The following SLCO6A1 variants were observed in gnomAD, a reference collection of about 807,000 sequenced individuals.
SLCO6A1 encodes cancer/testis antigen 48.
Under a neutral mutation model 72.7 loss-of-function variants are expected in SLCO6A1, and 65 were observed. That is an observed-to-expected ratio of 0.89 (90% CI 0.73 to 1.10). The LOEUF (loss-of-function observed/expected upper bound fraction) is 1.10, where lower values mean the gene tolerates loss of function less well. SLCO6A1 is among the 50% of genes least tolerant of loss of function. SLCO6A1 has a pLI of 0.00. For synonymous variants in SLCO6A1, 314 were observed against 298.2 expected (o/e 1.05, Z -0.55); for missense variants, 874 against 872.6 (o/e 1.00, Z -0.02).
chr5:102,416,003 G>A (rs1377803586), intron 8 of SLCO6A1, among the ~76,000 whole-genome samples: 2 of 152,030 alleles, frequency 1.3e-5, no homozygotes, highest in Non-Finnish European at 2.9e-5. Flanking sequence ...AAACCATAAC[G>A]AAGTATGATG....
At position 102,380,853 on chromosome 5, in the gene SLCO6A1, C is replaced by T. The variant is rs576027498; in HGVS notation, c.2018-7359G>A. On this transcript the variant is annotated intron_variant, in intron 12 of 13. Coordinates refer to ENST00000506729, the MANE Select transcript of SLCO6A1 (RefSeq NM_173488.5). ...CCTCTAACGTATTAAGAGCTATCTTCAGCAGTTTACTATGGTTGAAATCAC... is the reference window on the plus strand; with the variant it reads ...CCTCTAACGTATTAAGAGCTATCTTTAGCAGTTTACTATGGTTGAAATCAC... Among the ~76,000 whole-genome samples the T allele has an allele frequency of 2.6e-5, 4 of 152,074 alleles. No individual in the cohort carries two copies. In the East Asian group the frequency reaches 7.7e-4, roughly 29 times the overall value.
chr5:102,414,756 G>A (rs560700494), intron 8 of SLCO6A1, among the ~76,000 whole-genome samples: 28 of 151,960 alleles, frequency 1.8e-4, no homozygotes, highest in African/African-American at 5.8e-4. Flanking sequence ...ATAGCCAGGC[G>A]TAGTGGCATG....
chr5:102,496,877 G>A lies in SLCO6A1; in HGVS notation c.358+1610C>T, dbSNP rs896028019. Among the ~76,000 whole-genome samples, 3 of 152,112 alleles carry A rather than the reference G, an allele frequency of 2.0e-5. No homozygotes were observed. The South Asian group carries it at 6.2e-4, about 32-fold the overall frequency. On this transcript the variant is annotated intron_variant, in intron 1 of 13. Transcript: ENST00000506729. ...AAAACAAAACACGATTCATTAACTC[G>A]CTTCCCTATTCAACAAATACTCTTT...
At chr5:102,461,499 T>C (rs1302509517) in intron 4 of SLCO6A1, among the ~76,000 whole-genome samples, 3 of 152,106 alleles carry the variant, frequency 2.0e-5, no homozygotes, top group Admixed American at 2.0e-4. Context: ...GGTACTTCTC[T>C]TACCAAATAG....
chr5:102,434,814 AT>A (rs894621443), intron 7 of SLCO6A1, among the ~76,000 whole-genome samples: 17 of 151,372 alleles, frequency 1.1e-4, no homozygotes, highest in South Asian at 4.2e-4. Context: ...AACTATTACT[AT>A]TTTTTTTTCT....
intron 8 of SLCO6A1, 37 bp from the exon 9 acceptor site, chr5:102,413,180 T>C: frequency 6.7e-7 from 1 of 1,502,960 alleles, no homozygotes; most frequent in Non-Finnish European, 8.8e-7. Flanking sequence ...ATATTACCAT[T>C]GTTTTATAAT....
At chr5:102,477,471 AG>A (rs1323672355) in intron 3 of SLCO6A1, among the ~76,000 whole-genome samples, 3 of 152,114 alleles carry the variant, frequency 2.0e-5, no homozygotes, top group African/African-American at 7.2e-5. Flanking sequence ...AGTGACATTC[AG>A]GTGACTTGTC....
chr5:102,396,223 G>A (rs571584497), intron 10 of SLCO6A1, among the ~76,000 whole-genome samples: 1 of 151,888 alleles, frequency 6.6e-6, no homozygotes, highest in African/African-American at 2.4e-5. Context: ...TTTGTATAAG[G>A]TGTAAGGAAG....
intron 11 of SLCO6A1, among the ~76,000 whole-genome samples, 188 bp from the exon 12 acceptor site, chr5:102,389,013 C>G (rs1448990730): frequency 6.6e-6 from 1 of 152,116 alleles, no homozygotes; most frequent in Non-Finnish European, 1.5e-5. Flanking sequence ...CAAAAACAAT[C>G]CATATCCCTC....
Position 102,420,047 on chromosome 5 carries a change from A to T in SLCO6A1, c.1277-26T>A, listed in dbSNP as rs112183110. The T allele has an allele frequency of 3.3e-6, 5 of 1,533,346 alleles. No individual in the cohort carries two copies. The African/African-American group carries it at 5.6e-5, about 17-fold the overall frequency. 95.0% of individuals were successfully genotyped at this position (1,533,346 alleles called of 1,614,324 possible). A position where few individuals can be genotyped will look rare whatever the true frequency, so the allele number is the denominator to read the frequency against. The stretch of plus-strand genomic sequence containing the variant: ...CTAAAAAAAAGGAGGAGAAAAACAC[A>T]GTTAAAAATAATCAGCTGATAGTAC... On this transcript the variant is annotated intron_variant, in intron 7 of 13. Transcript: ENST00000506729.
At chr5:102,475,596 G>T in intron 4 of SLCO6A1, 101 bp downstream of exon 4, 2 of 675,498 alleles carry the variant, frequency 3.0e-6, no homozygotes, top group East Asian at 5.8e-5. Context: ...TAAAACTATG[G>T]TTATTACAAA....
At chr5:102,471,877 A>G (rs1029460790) in intron 4 of SLCO6A1, among the ~76,000 whole-genome samples, 2 of 152,104 alleles carry the variant, frequency 1.3e-5, no homozygotes, top group Admixed American at 6.6e-5. Context: ...GGCTAGCTAT[A>G]GTAGCAAGCT....
intron 1 of SLCO6A1, 96 bp downstream of exon 1, chr5:102,498,391 C>A (rs1335682920): frequency 2.4e-6 from 3 of 1,232,384 alleles, no homozygotes; most frequent in Non-Finnish European, 3.4e-6. Context: ...GCATGCTGGG[C>A]CACCCCAGGG....
intron 10 of SLCO6A1, 80 bp from the exon 11 acceptor site, chr5:102,391,125 A>T (rs1746733748): frequency 1.7e-5 from 19 of 1,150,780 alleles, no homozygotes; most frequent in Non-Finnish European, 2.3e-5. Context: ...AAGGCTAATC[A>T]TTTTTTTTTT....
chr5:102,487,313 T>C (rs1038752614), intron 1 of SLCO6A1, among the ~76,000 whole-genome samples: 1 of 152,192 alleles, frequency 6.6e-6, no homozygotes, highest in Non-Finnish European at 1.5e-5. Flanking sequence ...GTAAACAATG[T>C]ACAAGTCTTC....
intron 5 of SLCO6A1, among the ~76,000 whole-genome samples, 158 bp from the exon 6 acceptor site, chr5:102,458,649 A>G (rs1319362158): frequency 6.6e-6 from 1 of 152,168 alleles, no homozygotes; most frequent in Non-Finnish European, 1.5e-5. Flanking sequence ...TAAAAGACAC[A>G]ATCTTCTAAA....
chr5:102,409,223 A>T (rs1470476186), intron 9 of SLCO6A1, among the ~76,000 whole-genome samples: 1 of 152,278 alleles, frequency 6.6e-6, no homozygotes, highest in South Asian at 2.1e-4. Context: ...GTACTTTTCT[A>T]GAGAAACCTA....
chr5:102,494,502 G>C (rs1455105421), intron 1 of SLCO6A1, among the ~76,000 whole-genome samples: 2 of 152,192 alleles, frequency 1.3e-5, no homozygotes, highest in Admixed American at 1.3e-4. Context: ...GCCACGGATT[G>C]GGAGAAAATA....
intron 6 of SLCO6A1, among the ~76,000 whole-genome samples, chr5:102,455,421 T>C (rs1315244830): frequency 6.6e-6 from 1 of 152,122 alleles, no homozygotes; most frequent in Non-Finnish European, 1.5e-5. Context: ...AAGTTATGAA[T>C]AGCAGAAGAG....
Sources: gnomAD v4.1 joint callset for allele counts (sites outside exome capture counted in the v4.1 genomes callset) on GRCh38, gnomAD v4.1.1 for gene constraint, MANE v1.5 for transcripts, NCBI Gene and HGNC (gene_info 2026-07-23, HGNC 2026-07-21) for gene names.